Variants in CORIN observed in about 807,000 individuals in gnomAD.
CORIN encodes atrial natriuretic peptide-converting enzyme.
Under a neutral mutation model 125.3 loss-of-function variants are expected in CORIN, and 117 were observed. The ratio of observed to expected loss-of-function variants is 0.93; its 90% CI spans 0.80 to 1.09. CORIN has a LOEUF of 1.09. Among genes scored for constraint, CORIN ranks in the 50% least tolerant of loss-of-function variants. The probability of loss-of-function intolerance (pLI) is 0.00; values close to 1 mark genes in which losing one functional copy is unlikely to be tolerated. For missense variants in CORIN, 1,253 were observed against 1,306.7 expected, an observed-to-expected ratio of 0.96 and a Z score of 0.63; for synonymous variants, 450 against 466.4, an observed-to-expected ratio of 0.96 and a Z score of 0.45.
At chr4:47,766,720 C>A (rs1383572765) in intron 3 of CORIN, among the ~76,000 whole-genome samples, 1 of 151,812 alleles carries the variant, frequency 6.6e-6, no homozygotes, top group Non-Finnish European at 1.5e-5. Context: ...CTGAGGTGGG[C>A]GGATCACCTG....
rs374248975 is a variant in CORIN, at chr4:47,809,396, C to CTTT, written c.64-2352_64-2350dup. On this transcript the variant is annotated intron_variant, in intron 1 of 21. Transcript: ENST00000273857. ...TCTTCAGTGACAAGAGAATTGATTG[C>CTTT]TTTTTTTTTTTTTTTTTTTTTTTTT... is the stretch of plus-strand genomic sequence containing the variant. Among the ~76,000 whole-genome samples, 14 of 107,368 alleles carry CTTT rather than the reference C, an allele frequency of 1.3e-4. 1 individual carries two copies. Among genetic ancestry groups the CTTT allele is most frequent in the East Asian group, 3.0e-4 (1 of 3,350 alleles). The allele number at this position is 107,368 out of a possible 152,430, so 70.4% of individuals were successfully genotyped here.
chr4:47,827,810 C>T (rs1399085576), intron 1 of CORIN, among the ~76,000 whole-genome samples: 2 of 152,178 alleles, frequency 1.3e-5, no homozygotes, highest in Non-Finnish European at 2.9e-5. Flanking sequence ...CCCAGAGGCA[C>T]ACCTGGCACC....
chr4:47,754,349 C>T lies in CORIN; in HGVS notation c.617+9030G>A, dbSNP rs1176304012. Among the ~76,000 whole-genome samples the T allele has an allele frequency of 2.0e-5, 3 of 152,130 alleles. No individual in the cohort carries two copies. In the East Asian group the frequency reaches 5.8e-4, roughly 29 times the overall value. On this transcript the variant is annotated intron_variant, in intron 4 of 21. Coordinates refer to ENST00000273857, the MANE Select transcript of CORIN (RefSeq NM_006587.4). ...TGCCTAAACAGCCAGGTTGCCAGAA[C>T]TCATGTGGCTGACTGCTGTTTCCAG...
At chr4:47,822,894 C>A (rs1732581149) in intron 1 of CORIN, among the ~76,000 whole-genome samples, 1 of 151,620 alleles carries the variant, frequency 6.6e-6, no homozygotes, top group Non-Finnish European at 1.5e-5. Flanking sequence ...CGGCTCACTG[C>A]AACCTCCACC....
In CORIN at chr4:47,655,196, T is replaced by C. The variant is rs1397589034; in HGVS notation, c.1736-1536A>G. ...ACTCAGGCAGTACTTCTCATGAGCCTTCGGTGAGACTCTGAGATGGGCTGG... is the reference window on the plus strand; with the variant it reads ...ACTCAGGCAGTACTTCTCATGAGCCCTCGGTGAGACTCTGAGATGGGCTGG... On this transcript the variant is annotated intron_variant, in intron 12 of 21. Transcript: ENST00000273857. 5.4e-4 allele frequency among the ~76,000 whole-genome samples: 82 copies of C among 151,680 alleles called. 2 individuals are homozygous for C. The highest frequency in any genetic ancestry group is 5.4e-3 in the Admixed American group (82 of 15,238).
At chr4:47,706,872 C>G in intron 5 of CORIN, 1 of 1,599,002 alleles carries the variant, frequency 6.3e-7, no homozygotes, top group Non-Finnish European at 8.5e-7. Flanking sequence ...CTGACATCTG[C>G]AGGCCGAAAG....
rs387906894 is a variant in CORIN at position 47,683,803 on chromosome 4, T to C, written c.949A>G (p.Lys317Glu). The C allele has an allele frequency of 6.2e-7, 1 of 1,613,668 alleles. No individual in the cohort carries two copies. Among genetic ancestry groups the C allele is most frequent in the East Asian group, 2.2e-5 (1 of 44,866 alleles). Residue 317 changes from lysine (K) to glutamate (E), a missense_variant, in exon 7 of 22, where the codon AAG (lysine) becomes GAG (glutamate). Transcript: ENST00000273857. ...SENLFHCHTG[K>E]CLNYSLVCDG... is the part of the protein sequence containing the mutation. ...CACACAAGGCTGTAATTAAGGCACT[T>C]GCCTGTGTGACAGTGAAACAGATTC...
At chr4:47,795,803 A>C (rs958413346) in intron 2 of CORIN, among the ~76,000 whole-genome samples, 2 of 152,088 alleles carry the variant, frequency 1.3e-5, no homozygotes, top group Non-Finnish European at 2.9e-5. Context: ...AACGGATCTG[A>C]ATAGACATTT....
intron 3 of CORIN, among the ~76,000 whole-genome samples, chr4:47,781,770 T>C (rs1730557170): frequency 6.6e-6 from 1 of 151,728 alleles, no homozygotes; most frequent in Non-Finnish European, 1.5e-5. Flanking sequence ...AAACCGTGTC[T>C]CTAGTAAAAA....
chr4:47,837,562 G>A (rs1733504384), intron 1 of CORIN: 1 of 473,598 alleles, frequency 2.1e-6, no homozygotes, highest in African/African-American at 2.0e-5. Flanking sequence ...GGACTCTGCA[G>A]GAAAGGTGGC....
intron 5 of CORIN, chr4:47,706,613 A>G: frequency 1.9e-6 from 3 of 1,601,350 alleles, no homozygotes; most frequent in Non-Finnish European, 2.6e-6. Context: ...GGTGCAACTT[A>G]CGGCAAGCCT....
chr4:47,652,973 G>C (rs1404146420), intron 13 of CORIN, among the ~76,000 whole-genome samples: 1 of 152,146 alleles, frequency 6.6e-6, no homozygotes, highest in Non-Finnish European at 1.5e-5. Context: ...CTTTTAATAA[G>C]TGTTTGCAAA....
intron 5 of CORIN, among the ~76,000 whole-genome samples, chr4:47,693,837 T>C (rs1725872614): frequency 1.3e-5 from 2 of 152,280 alleles, no homozygotes; most frequent in South Asian, 4.1e-4. Flanking sequence ...AGATACAAAA[T>C]TTTTCAGGAA....
At position 47,603,473 on chromosome 4, in the gene CORIN, G is replaced by A. The variant is rs777696007; in HGVS notation, c.2736C>T (p.Cys912=). The A allele has an allele frequency of 1.2e-6, 2 of 1,614,204 alleles. No homozygotes were observed. The highest frequency in any genetic ancestry group is 2.7e-5 in the African/African-American group (2 of 75,056). The change falls in exon 20 of 22, where the codon TGC becomes TGT. Residue 912 remains cysteine, a synonymous_variant. Coordinates refer to ENST00000273857, the MANE Select transcript of CORIN (RefSeq NM_006587.4). The stretch of plus-strand genomic sequence containing the variant: ...CTAGCCACTGCTCCGGGTTGGGCAA[G>A]CAGACAGGCCGGACGTAGCCAGTCT... ...ISETGYVRPV[C]LPNPEQWLEP...
At chr4:47,712,328 C>T (rs989236994) in intron 5 of CORIN, among the ~76,000 whole-genome samples, 1 of 152,060 alleles carries the variant, frequency 6.6e-6, no homozygotes, top group African/African-American at 2.4e-5. Flanking sequence ...TGTAGCCCAG[C>T]CTGGAGTTAA....
chr4:47,826,217 G>A (rs976069997), intron 1 of CORIN, among the ~76,000 whole-genome samples: 1 of 152,222 alleles, frequency 6.6e-6, no homozygotes, highest in African/African-American at 2.4e-5. Flanking sequence ...AGCACAAGCT[G>A]AGATGAACAA....
intron 5 of CORIN, among the ~76,000 whole-genome samples, chr4:47,717,201 T>C (rs1460268462): frequency 4.6e-5 from 7 of 152,212 alleles, no homozygotes; most frequent in East Asian, 3.8e-4. Flanking sequence ...TCCAGGCTTT[T>C]TCAAGCAACC....
intron 5 of CORIN, among the ~76,000 whole-genome samples, chr4:47,730,079 T>C (rs950983270): frequency 1.3e-5 from 2 of 152,150 alleles, no homozygotes; most frequent in South Asian, 2.1e-4. Context: ...GGGCAAGAAC[T>C]TGGGGTACAG....
At chr4:47,663,685 A>G (rs1724347640) in intron 11 of CORIN, among the ~76,000 whole-genome samples, 1 of 152,188 alleles carries the variant, frequency 6.6e-6, no homozygotes. Flanking sequence ...CTACATATGA[A>G]AAGAAAGTCA....
Sources: allele counts gnomAD v4.1 joint callset (sites outside exome capture counted in the v4.1 genomes callset), GRCh38; gene constraint gnomAD v4.1.1; transcripts MANE v1.5; gene names NCBI Gene and HGNC (gene_info 2026-07-23, HGNC 2026-07-21).